PSME4: variants seen among roughly 807,000 people sequenced by gnomAD.
PSME4 encodes the protein proteasome activator subunit 4.
PSME4 carries 89 observed loss-of-function variants against 253.9 expected under a neutral mutation model. That is an observed-to-expected ratio of 0.35 (90% confidence interval 0.30 to 0.42). PSME4 has a LOEUF of 0.42. Among genes scored for constraint, PSME4 ranks in the 10% least tolerant of loss-of-function variants. The probability of loss-of-function intolerance (pLI) is 1.00; values close to 1 mark genes in which losing one functional copy is unlikely to be tolerated. For missense variants in PSME4, 2,014 were observed against 2,195.2 expected (o/e 0.92, Z 1.65); for synonymous variants, 851 against 759.2 (o/e 1.12, Z -1.99).
intron 10 of PSME4, among the ~76,000 whole-genome samples, chr2:53,930,704 G>A (rs545152956): frequency 8.5e-5 from 13 of 152,190 alleles, no homozygotes; most frequent in Non-Finnish European, 1.5e-4. Context: ...TCTTGAACAC[G>A]GTATCCTTCC....
chr2:53,908,276 G>A lies in PSME4; in HGVS notation c.2784+44C>T, dbSNP rs375294002. 23 of 1,469,696 alleles carry A rather than the reference G, an allele frequency of 1.6e-5. No homozygotes were observed. In the East Asian group the frequency reaches 1.6e-4, roughly 10 times the overall value. The allele number at this position is 1,469,696 out of a possible 1,614,324, so 91.0% of individuals were successfully genotyped here. On this transcript the variant is annotated intron_variant, in intron 24 of 46. Coordinates refer to ENST00000404125, the MANE Select transcript of PSME4 (RefSeq NM_014614.3). ...TACCCAAATTACGAGGTTATTATAC[G>A]ACTTTAAAACAATTAGTGCAGACTT...
chr2:53,913,506 C>T (rs1667922413), intron 20 of PSME4, among the ~76,000 whole-genome samples: 1 of 152,152 alleles, frequency 6.6e-6, no homozygotes, highest in Admixed American at 6.5e-5. Context: ...AGTGAAAGAA[C>T]ATCCTATCTT....
chr2:53,899,912 G>A lies in PSME4; in HGVS notation c.3391C>T (p.Arg1131Cys), dbSNP rs763345252. 1.2e-5 allele frequency: 19 copies of A among 1,613,418 alleles called. No individual in the cohort carries two copies. Among genetic ancestry groups the A allele is most frequent in the Middle Eastern group, 1.6e-4 (1 of 6,082 alleles). ...SPEKIKEGIK[R>C]QQEKNADALR... ...GCATCGGCATTCTTTTCCTGTTGGC[G>A]TTTAATTCCTTCCTTAATTTTTTCT... The change falls in exon 29 of 47, where the codon CGC becomes TGC. Residue 1131 changes from arginine (R) to cysteine (C), a missense_variant. Coordinates refer to ENST00000404125, the MANE Select transcript of PSME4 (RefSeq NM_014614.3).
At chr2:53,969,519 T>C (rs1670927602) in intron 1 of PSME4, among the ~76,000 whole-genome samples, 1 of 152,168 alleles carries the variant, frequency 6.6e-6, no homozygotes. Flanking sequence ...GTCTTGTGTG[T>C]TCACCCGTCC....
rs557101192 is a variant in PSME4, at chr2:53,939,182, T to C, written c.545+774A>G. Among the ~76,000 whole-genome samples, 49 of 152,300 alleles carry C rather than the reference T, an allele frequency of 3.2e-4. No individual in the cohort carries two copies. The South Asian group carries it at 9.3e-3, about 29-fold the overall frequency. On this transcript the variant is annotated intron_variant, in intron 4 of 46. Coordinates refer to ENST00000404125, the MANE Select transcript of PSME4 (RefSeq NM_014614.3). Reference sequence around the variant, plus strand: ...AATACATTTGCCCAACATTGAGTAATACAGAAGGTCAGCAATAAATATCCG... The same window carrying C: ...AATACATTTGCCCAACATTGAGTAACACAGAAGGTCAGCAATAAATATCCG...
chr2:53,910,233 GTTCTT>G, intron 20 of PSME4, 103 bp from the exon 21 acceptor site: 3 of 920,252 alleles, frequency 3.3e-6, no homozygotes, highest in Admixed American at 2.0e-5. Context: ...CAAAGATAAT[GTTCTT>G]TTAACAGACA....
At chr2:53,889,822 A>C (rs1276897753) in intron 37 of PSME4, among the ~76,000 whole-genome samples, 1 of 152,224 alleles carries the variant, frequency 6.6e-6, no homozygotes, top group African/African-American at 2.4e-5. Flanking sequence ...AGATATAATA[A>C]TCACTTAAGA....
At chr2:53,884,055 T>C (rs1349880975) in intron 41 of PSME4, among the ~76,000 whole-genome samples, 1 of 152,234 alleles carries the variant, frequency 6.6e-6, no homozygotes, top group African/African-American at 2.4e-5. Context: ...CCTCACACTC[T>C]ACACATCTGA....
At chr2:53,940,940 A>AATATATATATACATATTTAT (rs1669382442) in intron 3 of PSME4, among the ~76,000 whole-genome samples, 3 of 51,314 alleles carry the variant, frequency 5.8e-5, no homozygotes, top group East Asian at 3.9e-4. Context: ...TACATATATA[A>AATATATATATACATATTTAT]ATATATATAT....
intron 3 of PSME4, among the ~76,000 whole-genome samples, chr2:53,944,961 T>G (rs1187270278): frequency 2.0e-5 from 3 of 152,038 alleles, no homozygotes; most frequent in Non-Finnish European, 1.5e-5. Flanking sequence ...GAACAATACA[T>G]GTAAAAGAGA....
chr2:53,961,815 T>G (rs1670506588), intron 1 of PSME4, among the ~76,000 whole-genome samples: 1 of 152,214 alleles, frequency 6.6e-6, no homozygotes, highest in Admixed American at 6.5e-5. Flanking sequence ...CCAGCAGTTT[T>G]GCCAGGAGAG....
At chr2:53,880,751 A>T (rs1679344645) in intron 41 of PSME4, among the ~76,000 whole-genome samples, 1 of 152,240 alleles carries the variant, frequency 6.6e-6, no homozygotes, top group Admixed American at 6.5e-5. Flanking sequence ...GCATAAAAGG[A>T]CATACACCAA....
At chr2:53,933,483 G>C (rs1297588168) in intron 8 of PSME4, among the ~76,000 whole-genome samples, 1 of 150,482 alleles carries the variant, frequency 6.6e-6, no homozygotes, top group East Asian at 2.0e-4. Context: ...AGGCTCAAGC[G>C]ATCCTCCCAC....
intron 1 of PSME4, among the ~76,000 whole-genome samples, chr2:53,969,804 C>A (rs749194925): frequency 6.6e-6 from 1 of 151,266 alleles, no homozygotes; most frequent in South Asian, 2.1e-4. Context: ...AAAATTAACA[C>A]AAGCCTGATA....
chr2:53,877,596 C>CT (rs1486400679), intron 41 of PSME4, among the ~76,000 whole-genome samples: 2 of 152,116 alleles, frequency 1.3e-5, no homozygotes, highest in Non-Finnish European at 2.9e-5. Context: ...CCTAAACCTA[C>CT]TTAACGGGAT....
At chr2:53,921,421 A>G (rs1668310025) in intron 17 of PSME4, among the ~76,000 whole-genome samples, 1 of 151,346 alleles carries the variant, frequency 6.6e-6, no homozygotes, top group Admixed American at 6.6e-5. Flanking sequence ...TAATTTTTGT[A>G]TTTTTAGTAG....
chr2:53,870,250 T>C (rs1457180932), intron 43 of PSME4: 2 of 152,248 alleles, frequency 1.3e-5, no homozygotes, highest in Non-Finnish European at 2.9e-5. Flanking sequence ...TATCATCGTC[T>C]GTCGAGTACG....
At chr2:53,906,326 C>A (rs1288747963) in intron 26 of PSME4, among the ~76,000 whole-genome samples, 2 of 152,090 alleles carry the variant, frequency 1.3e-5, no homozygotes, top group African/African-American at 2.4e-5. Context: ...CAACATTAAG[C>A]ATTACAAAAA....
At chr2:53,925,469 T>A in intron 14 of PSME4, 70 bp downstream of exon 14, 1 of 1,347,846 alleles carries the variant, frequency 7.4e-7, no homozygotes, top group Non-Finnish European at 1.0e-6. Context: ...CAAAGTAACT[T>A]GAAGTCAATT....
Sources: allele counts gnomAD v4.1 joint callset (sites outside exome capture counted in the v4.1 genomes callset), GRCh38; gene constraint gnomAD v4.1.1; transcripts MANE v1.5; gene names NCBI Gene and HGNC (gene_info 2026-07-23, HGNC 2026-07-21).